MINDY3: variants seen among roughly 807,000 people sequenced by gnomAD.
MINDY3 encodes ubiquitin carboxyl-terminal hydrolase MINDY-3.
A neutral mutation model predicts 69.2 loss-of-function variants in MINDY3; 38 were observed. The observed-to-expected ratio is 0.55, with a 90% confidence interval of 0.42 to 0.72. The LOEUF is 0.72. MINDY3 is among the 30% of genes least tolerant of loss of function. MINDY3 has a pLI of 0.00. For missense variants in MINDY3, 522 were observed against 519.0 expected, an observed-to-expected ratio of 1.01 and a Z score of -0.06; for synonymous variants, 192 against 180.1, an observed-to-expected ratio of 1.07 and a Z score of -0.53.
At chr10:15,839,569 A>G (rs1402887501) in intron 4 of MINDY3, among the ~76,000 whole-genome samples, 4 of 151,720 alleles carry the variant, frequency 2.6e-5, no homozygotes, top group Admixed American at 2.6e-4. Flanking sequence ...AAGAGTAGAC[A>G]TAAAGATAAT....
intron 13 of MINDY3, among the ~76,000 whole-genome samples, chr10:15,783,740 C>T (rs192742873): frequency 5.5e-4 from 83 of 152,266 alleles, no homozygotes; most frequent in African/African-American, 1.9e-3. Flanking sequence ...AAATGCCTTA[C>T]AGAAAATAGA....
At chr10:15,805,539 A>T (rs1371312786) in intron 10 of MINDY3, among the ~76,000 whole-genome samples, 1 of 152,112 alleles carries the variant, frequency 6.6e-6, no homozygotes, top group African/African-American at 2.4e-5. Flanking sequence ...GGTAGATAAT[A>T]TTATTGTTCC....
Position 15,778,841 on chromosome 10 carries a change from A to C in MINDY3, c.*151T>G. ...CATAAAGCTTTAGGACAAATAATTT[A>C]AACATATCATAAACACTGAAAATGT... On this transcript the variant is annotated 3_prime_UTR_variant, in exon 15 of 15. Coordinates refer to ENST00000277632, the MANE Select transcript of MINDY3 (RefSeq NM_024948.4). 1 of 601,856 alleles carries C rather than the reference A, an allele frequency of 1.7e-6. No individual in the cohort carries two copies. The highest frequency in any genetic ancestry group is 3.0e-5 in the East Asian group (1 of 33,704). The allele number at this position is 601,856 out of a possible 1,614,324, so 37.3% of individuals were successfully genotyped here.
chr10:15,839,802 A>C (rs887235491), intron 4 of MINDY3, among the ~76,000 whole-genome samples: 2 of 151,670 alleles, frequency 1.3e-5, no homozygotes, highest in Admixed American at 6.6e-5. Context: ...ACATTATTTA[A>C]AAAATTTAAA....
At chr10:15,832,904 G>C (rs1039050722) in intron 8 of MINDY3, among the ~76,000 whole-genome samples, 1 of 152,176 alleles carries the variant, frequency 6.6e-6, no homozygotes. Context: ...TGCTCTGTTT[G>C]ACTGTGAGCT....
chr10:15,802,047 G>A (rs1382648558), intron 10 of MINDY3, among the ~76,000 whole-genome samples: 1 of 151,226 alleles, frequency 6.6e-6, no homozygotes, highest in Non-Finnish European at 1.5e-5. Flanking sequence ...CGGCTTACGA[G>A]ATTACAGTAT....
chr10:15,846,880 C>G (rs144800311), intron 2 of MINDY3, among the ~76,000 whole-genome samples: 1 of 152,104 alleles, frequency 6.6e-6, no homozygotes, highest in Non-Finnish European at 1.5e-5. Context: ...CCCACCACCA[C>G]GCCCGGCTAG....
chr10:15,860,177 C>T, intron 1 of MINDY3, 29 bp downstream of exon 1: 1 of 1,540,024 alleles, frequency 6.5e-7, no homozygotes, highest in South Asian at 1.2e-5. Flanking sequence ...GAAGCAGCGG[C>T]TGCAAGTGTG....
intron 12 of MINDY3, 158 bp downstream of exon 12, chr10:15,789,089 T>G (rs555083500): frequency 4.2e-6 from 2 of 478,138 alleles, no homozygotes; most frequent in Admixed American, 3.3e-5. Flanking sequence ...TCTGCTATAA[T>G]ATTGGATTAG....
chr10:15,849,623 G>A (rs1414846865), intron 1 of MINDY3, among the ~76,000 whole-genome samples: 1 of 152,010 alleles, frequency 6.6e-6, no homozygotes, highest in Non-Finnish European at 1.5e-5. Context: ...GTGTTAAGTG[G>A]GGCAAAGGCT....
intron 10 of MINDY3, among the ~76,000 whole-genome samples, chr10:15,796,903 A>G (rs188544973): frequency 1.6e-4 from 24 of 152,182 alleles, no homozygotes; most frequent in Admixed American, 6.5e-5. Context: ...ACACACATGA[A>G]TCTAAAATGT....
intron 10 of MINDY3, among the ~76,000 whole-genome samples, chr10:15,797,000 G>T (rs1321455466): frequency 1.3e-5 from 2 of 151,962 alleles, no homozygotes; most frequent in Non-Finnish European, 2.9e-5. Context: ...GTCATCAGAG[G>T]GTAAGTTTCC....
chr10:15,801,865 T>C (rs1405930718), intron 10 of MINDY3, among the ~76,000 whole-genome samples: 1 of 151,758 alleles, frequency 6.6e-6, no homozygotes, highest in African/African-American at 2.4e-5. Flanking sequence ...AAGATAAAGA[T>C]CTTGGAGAAA....
chr10:15,823,601 T>A (rs942056029), intron 8 of MINDY3, among the ~76,000 whole-genome samples: 1 of 152,164 alleles, frequency 6.6e-6, no homozygotes, highest in African/African-American at 2.4e-5. Flanking sequence ...TTTCTACAAA[T>A]TTAGGAGGTA....
chr10:15,857,947 A>T (rs1834813082), intron 1 of MINDY3: 1 of 985,022 alleles, frequency 1.0e-6, no homozygotes, highest in Non-Finnish European at 1.2e-6. Flanking sequence ...TGCAGTTGTC[A>T]ACTGAAGACA....
chr10:15,817,121 G>A (rs1320444994), intron 9 of MINDY3: 22 of 488,920 alleles, frequency 4.5e-5, no homozygotes, highest in Non-Finnish European at 6.8e-5. Context: ...CTTATATTGT[G>A]CTTTGACATT....
chr10:15,829,729 T>C (rs140988870), intron 8 of MINDY3, among the ~76,000 whole-genome samples: 10 of 152,218 alleles, frequency 6.6e-5, no homozygotes, highest in Admixed American at 1.3e-4. Flanking sequence ...AGCATGATAG[T>C]CTAGACAGGT....
At chr10:15,833,791 G>T in intron 7 of MINDY3, 82 bp from the exon 8 acceptor site, 1 of 870,596 alleles carries the variant, frequency 1.1e-6, no homozygotes, top group South Asian at 1.5e-5. Context: ...ATAAAGTAAT[G>T]ACTTTTCACA....
chr10:15,782,013 G>A (rs950153120), intron 14 of MINDY3, 142 bp downstream of exon 14: 2 of 691,046 alleles, frequency 2.9e-6, no homozygotes, highest in Non-Finnish European at 5.0e-6. Flanking sequence ...AAAGATGGCT[G>A]ATTCTAAAAT....
Sources: gnomAD v4.1 joint callset for allele counts (sites outside exome capture counted in the v4.1 genomes callset) on GRCh38, gnomAD v4.1.1 for gene constraint, MANE v1.5 for transcripts, NCBI Gene and HGNC (gene_info 2026-07-23, HGNC 2026-07-21) for gene names.